The following PTPRZ1 variants were observed in gnomAD, a reference collection of about 807,000 sequenced individuals.
PTPRZ1 encodes protein tyrosine phosphatase receptor type Z1, also known as receptor-type tyrosine-protein phosphatase zeta.
PTPRZ1 carries 82 observed loss-of-function variants against 214.1 expected under a neutral mutation model. The observed-to-expected ratio is 0.38, with a 90% CI of 0.32 to 0.46. PTPRZ1 has a LOEUF of 0.46. PTPRZ1 is among the 20% of genes least tolerant of loss of function. The pLI is 1.00. For missense variants in PTPRZ1, 2,603 were observed against 2,748.7 expected (o/e 0.95, Z 1.19); for synonymous variants, 945 against 987.9 (o/e 0.96, Z 0.81).
At chr7:121,878,027 T>A (rs1794115890) in intron 1 of PTPRZ1, among the ~76,000 whole-genome samples, 1 of 151,554 alleles carries the variant, frequency 6.6e-6, no homozygotes, top group East Asian at 1.9e-4. Flanking sequence ...TAGTGTCTTA[T>A]TGAGATTAAT....
intron 1 of PTPRZ1, among the ~76,000 whole-genome samples, chr7:121,911,424 T>C (rs1364589202): frequency 5.3e-5 from 8 of 152,090 alleles, no homozygotes; most frequent in Non-Finnish European, 1.0e-4. Context: ...TTTTGTGAAA[T>C]AAAGTCCTTT....
intron 12 of PTPRZ1, among the ~76,000 whole-genome samples, chr7:122,017,638 T>C (rs987601102): frequency 3.4e-4 from 52 of 152,026 alleles, no homozygotes; most frequent in African/African-American, 1.1e-3. Context: ...CTCAGCTCAC[T>C]GCAACCTCTA....
At chr7:122,028,367 A>C in intron 13 of PTPRZ1, 185 bp from the exon 14 acceptor site, 1 of 477,456 alleles carries the variant, frequency 2.1e-6, no homozygotes, top group Admixed American at 3.7e-5. Context: ...TAAAACTGAG[A>C]TAAATTTTAT....
chr7:121,876,509 C>A (rs1409214953), intron 1 of PTPRZ1, among the ~76,000 whole-genome samples: 3 of 151,962 alleles, frequency 2.0e-5, no homozygotes, highest in African/African-American at 7.3e-5. Context: ...ATACCCAACT[C>A]CTCTGGAAGA....
intron 8 of PTPRZ1, among the ~76,000 whole-genome samples, chr7:121,992,537 A>T (rs774355790): frequency 1.2e-4 from 19 of 152,234 alleles, no homozygotes; most frequent in Non-Finnish European, 2.5e-4. Flanking sequence ...TAAGAAGCTT[A>T]TACCATTTTT....
chr7:121,873,192 C>T lies in PTPRZ1; in HGVS notation c.-308C>T. 1 of 415,278 alleles carries T rather than the reference C, an allele frequency of 2.4e-6. No homozygotes were observed. Among genetic ancestry groups the T allele is most frequent in the Non-Finnish European group, 4.2e-6 (1 of 236,222 alleles). 25.7% of individuals were successfully genotyped at this position (415,278 alleles called of 1,614,324 possible). On this transcript the variant is annotated 5_prime_UTR_variant, in exon 1 of 30. Coordinates refer to ENST00000393386, the MANE Select transcript of PTPRZ1 (RefSeq NM_002851.3). ...CGGCCGCCGCAGCCGGCGAAAGAGG[C>T]AAAGTCCCGCACGCCGGAGGACATG...
chr7:121,980,565 T>C (rs1018116123), intron 6 of PTPRZ1, among the ~76,000 whole-genome samples: 5 of 152,220 alleles, frequency 3.3e-5, no homozygotes, highest in African/African-American at 1.2e-4. Context: ...GTAGGACATA[T>C]TGACGTGACT....
At chr7:121,933,110 C>A (rs1474608665) in intron 2 of PTPRZ1, among the ~76,000 whole-genome samples, 1 of 145,424 alleles carries the variant, frequency 6.9e-6, no homozygotes, top group African/African-American at 2.6e-5. Context: ...TTCCTAGTAA[C>A]CTTAAGTTTT....
chr7:121,952,418 T>G (rs1317647978), intron 2 of PTPRZ1, among the ~76,000 whole-genome samples: 1 of 152,016 alleles, frequency 6.6e-6, no homozygotes, highest in Non-Finnish European at 1.5e-5. Flanking sequence ...ACTCTATATC[T>G]ACAAAAGAAT....
intron 13 of PTPRZ1, among the ~76,000 whole-genome samples, chr7:122,024,279 T>C (rs1799140181): frequency 6.6e-6 from 1 of 152,132 alleles, no homozygotes; most frequent in South Asian, 2.1e-4. Flanking sequence ...GAAAGCTTTT[T>C]TAAGAGTTGG....
At chr7:122,028,458 T>C in intron 13 of PTPRZ1, 94 bp from the exon 14 acceptor site, 1 of 900,466 alleles carries the variant, frequency 1.1e-6, no homozygotes, top group Non-Finnish European at 1.8e-6. Context: ...TTTGTTTTAA[T>C]TCTGGAGATT....
rs776923472 is a variant in PTPRZ1 at position 122,040,844 on chromosome 7, G to A, written c.5666G>A (p.Arg1889His). 3.5e-5 allele frequency: 56 copies of A among 1,582,130 alleles called. No homozygotes were observed. The East Asian group carries it at 4.1e-4, about 12-fold the overall frequency. ...TCCCAGAAAGGAAGACCCAGTGGAC[G>A]TGTGGTCACACAGTATCACTACACG... ...KGSQKGRPSG[R>H]VVTQYHYTQW... The change falls in exon 21 of 30, where the codon CGT becomes CAT. Residue 1889 changes from arginine to histidine, a missense_variant. Arg to His is a conservative substitution (Grantham distance 29, BLOSUM62 0). Coordinates refer to ENST00000393386, the MANE Select transcript of PTPRZ1 (RefSeq NM_002851.3).
chr7:121,928,346 A>T (rs1262380663), intron 2 of PTPRZ1, 125 bp downstream of exon 2: 18 of 598,316 alleles, frequency 3.0e-5, no homozygotes, highest in Non-Finnish European at 5.2e-5. Flanking sequence ...GGATAGTTAG[A>T]TTAATTAATA....
At chr7:122,046,653 T>A (rs1457755238) in intron 23 of PTPRZ1, among the ~76,000 whole-genome samples, 1 of 152,162 alleles carries the variant, frequency 6.6e-6, no homozygotes, top group Non-Finnish European at 1.5e-5. Flanking sequence ...AAAGTAGTGA[T>A]GTCATTCACC....
Position 122,044,376 on chromosome 7 carries a change from T to C in PTPRZ1, c.5938-46T>C. ...TACTATGTTTGTAGGTAGATACATA[T>C]GAGGAAAACTTGAACTAATGTTGCT... On this transcript the variant is annotated intron_variant, in intron 22 of 29. Coordinates refer to ENST00000393386, the MANE Select transcript of PTPRZ1 (RefSeq NM_002851.3). 4 of 1,608,498 alleles carry C rather than the reference T, an allele frequency of 2.5e-6. No homozygotes were observed. In the South Asian group the frequency reaches 3.3e-5, roughly 13 times the overall value.
At chr7:121,914,753 CA>C (rs1350101213) in intron 1 of PTPRZ1, among the ~76,000 whole-genome samples, 1 of 152,040 alleles carries the variant, frequency 6.6e-6, no homozygotes, top group East Asian at 1.9e-4. Context: ...ATAATATCCT[CA>C]ATGCCTTTTC....
At chr7:122,030,076 T>C (rs908803555) in intron 14 of PTPRZ1, among the ~76,000 whole-genome samples, 4 of 151,898 alleles carry the variant, frequency 2.6e-5, no homozygotes, top group African/African-American at 9.7e-5. Context: ...AAGTCCAACA[T>C]GGTTTATTTT....
chr7:121,896,605 C>G (rs1794790730), intron 1 of PTPRZ1, among the ~76,000 whole-genome samples: 1 of 152,078 alleles, frequency 6.6e-6, no homozygotes, highest in Non-Finnish European at 1.5e-5. Flanking sequence ...AACCCCGCCT[C>G]TACTAAAAAT....
intron 2 of PTPRZ1, among the ~76,000 whole-genome samples, chr7:121,928,773 G>C (rs1229969283): frequency 6.6e-6 from 1 of 152,146 alleles, no homozygotes; most frequent in African/African-American, 2.4e-5. Context: ...ACTAGACTTT[G>C]CCTAGAACAT....
Sources: allele counts gnomAD v4.1 joint callset (sites outside exome capture counted in the v4.1 genomes callset), GRCh38; gene constraint gnomAD v4.1.1; transcripts MANE v1.5; gene names NCBI Gene and HGNC (gene_info 2026-07-23, HGNC 2026-07-21).